Variants in L3MBTL3 observed in about 807,000 individuals in gnomAD.
L3MBTL3 encodes the protein L3MBTL histone methyl-lysine binding protein 3.
Under a neutral mutation model 102.3 loss-of-function variants are expected in L3MBTL3, and 27 were observed. The observed-to-expected ratio is 0.26, with a 90% CI of 0.19 to 0.36. L3MBTL3 has a LOEUF of 0.36. L3MBTL3 is among the 10% of genes least tolerant of loss of function. L3MBTL3 has a pLI of 1.00. For missense variants in L3MBTL3, 798 were observed against 955.3 expected (o/e 0.84, Z 2.17); for synonymous variants, 340 against 320.9 (o/e 1.06, Z -0.64).
At chr6:130,083,258 CTTAA>C (rs1236498079) in intron 14 of L3MBTL3, among the ~76,000 whole-genome samples, 7 of 152,086 alleles carry the variant, frequency 4.6e-5, no homozygotes, top group African/African-American at 9.7e-5. Flanking sequence ...ATTTAACTTA[CTTAA>C]TTTTCACATT....
chr6:130,098,743 T>C (rs981327812), intron 18 of L3MBTL3, among the ~76,000 whole-genome samples: 4 of 152,186 alleles, frequency 2.6e-5, no homozygotes, highest in African/African-American at 9.6e-5. Context: ...GCACCTGAGA[T>C]TGTACATTGG....
At chr6:130,132,210 A>T (rs1357803398) in intron 20 of L3MBTL3, among the ~76,000 whole-genome samples, 1 of 152,210 alleles carries the variant, frequency 6.6e-6, no homozygotes, top group Non-Finnish European at 1.5e-5. Flanking sequence ...TACTCACAAC[A>T]ATGTGGATGA....
intron 1 of L3MBTL3, among the ~76,000 whole-genome samples, chr6:130,021,130 A>G (rs980431021): frequency 1.1e-4 from 17 of 152,170 alleles, no homozygotes; most frequent in South Asian, 4.1e-4. Flanking sequence ...GCAAGTTTTT[A>G]GAAAAACACT....
At chr6:130,038,954 C>T (rs1364238347) in intron 2 of L3MBTL3, among the ~76,000 whole-genome samples, 1 of 151,902 alleles carries the variant, frequency 6.6e-6, no homozygotes, top group Admixed American at 6.6e-5. Flanking sequence ...AATATTGAAG[C>T]GTCTAGTAAA....
chr6:130,019,944 G>C (rs1778845265), intron 1 of L3MBTL3, among the ~76,000 whole-genome samples: 1 of 138,732 alleles, frequency 7.2e-6, no homozygotes, highest in African/African-American at 2.6e-5. Context: ...GCGCCGGCCC[G>C]GGTGCGGGCG....
intron 2 of L3MBTL3, among the ~76,000 whole-genome samples, chr6:130,037,665 G>A (rs1780144268): frequency 6.6e-6 from 1 of 152,098 alleles, no homozygotes; most frequent in African/African-American, 2.4e-5. Flanking sequence ...CATAATAATT[G>A]TACACATTAA....
chr6:130,123,600 T>A (rs1168634389), intron 20 of L3MBTL3, among the ~76,000 whole-genome samples: 2 of 152,360 alleles, frequency 1.3e-5, no homozygotes, highest in Admixed American at 6.5e-5. Context: ...TGAATAAGAT[T>A]GTAACATAAA....
chr6:130,058,512 G>A (rs1026651814), intron 9 of L3MBTL3, among the ~76,000 whole-genome samples: 10 of 152,026 alleles, frequency 6.6e-5, no homozygotes, highest in African/African-American at 2.4e-4. Context: ...GGAGTGTGGT[G>A]TTCAAAGTTG....
intron 5 of L3MBTL3, 31 bp downstream of exon 5, chr6:130,049,861 A>G: frequency 1.9e-6 from 3 of 1,586,960 alleles, no homozygotes; most frequent in South Asian, 1.1e-5. Flanking sequence ...CTGAAATGCA[A>G]TTCATTTTCT....
chr6:130,120,795 G>T (rs950860887), intron 19 of L3MBTL3, 84 bp from the exon 20 acceptor site: 1 of 998,288 alleles, frequency 1.0e-6, no homozygotes, highest in African/African-American at 1.6e-5. Context: ...TTAAAATTAG[G>T]AAAAGCACTT....
At chr6:130,089,278 C>T (rs1783887649) in intron 16 of L3MBTL3, among the ~76,000 whole-genome samples, 1 of 145,524 alleles carries the variant, frequency 6.9e-6, no homozygotes, top group Non-Finnish European at 1.5e-5. Context: ...CAAGTTTTCT[C>T]ATTGTTCAGT....
chr6:130,027,824 G>T (rs776656661), intron 2 of L3MBTL3, among the ~76,000 whole-genome samples: 1 of 152,126 alleles, frequency 6.6e-6, no homozygotes, highest in Non-Finnish European at 1.5e-5. Flanking sequence ...CATATGCATA[G>T]AAATATCTGT....
At chr6:130,045,952 C>A (rs1488244049) in intron 3 of L3MBTL3, among the ~76,000 whole-genome samples, 2 of 152,172 alleles carry the variant, frequency 1.3e-5, no homozygotes, top group Non-Finnish European at 2.9e-5. Flanking sequence ...GGAAACTTCA[C>A]CAATGCCTAG....
chr6:130,049,872 A>G (rs768362828), intron 5 of L3MBTL3, 42 bp downstream of exon 5: 4 of 1,574,054 alleles, frequency 2.5e-6, no homozygotes, highest in Non-Finnish European at 2.6e-6. Flanking sequence ...TTCATTTTCT[A>G]TTTCTTTCTC....
chr6:130,024,897 A>T (rs1779244335), intron 2 of L3MBTL3, among the ~76,000 whole-genome samples: 1 of 152,092 alleles, frequency 6.6e-6, no homozygotes, highest in Non-Finnish European at 1.5e-5. Context: ...GAGCTGTTGA[A>T]CCAGGAAACA....
chr6:130,114,997 C>T (rs1785572309), intron 19 of L3MBTL3, among the ~76,000 whole-genome samples: 1 of 151,686 alleles, frequency 6.6e-6, no homozygotes, highest in Non-Finnish European at 1.5e-5. Flanking sequence ...GATTCTCATT[C>T]CCTTATGTTT....
chr6:130,054,059 C>T (rs1443755808), intron 7 of L3MBTL3, among the ~76,000 whole-genome samples: 2 of 152,090 alleles, frequency 1.3e-5, no homozygotes, highest in African/African-American at 4.8e-5. Context: ...GTCAGGGAGC[C>T]CTCTCAAAGA....
In L3MBTL3 at chr6:130,133,926, C is replaced by T; in HGVS notation, c.2199+21C>T. On this transcript the variant is annotated intron_variant, in intron 22 of 22. Coordinates refer to ENST00000361794, the MANE Select transcript of L3MBTL3 (RefSeq NM_032438.4). The surrounding 1 kb of genome is among the most constrained non-coding windows in gnomAD (Gnocchi z 4.9). ...ATGAAGTAAGTATTCCACTAAATTG[C>T]AATATGTTACTTAATGGGATCAAAG... 10 of 1,560,476 alleles carry T rather than the reference C, an allele frequency of 6.4e-6. No homozygotes were observed. Among genetic ancestry groups the T allele is most frequent in the Non-Finnish European group, 8.8e-6 (10 of 1,131,920 alleles).
At chr6:130,070,316 A>G (rs1562284432) in intron 12 of L3MBTL3, among the ~76,000 whole-genome samples, 1 of 152,164 alleles carries the variant, frequency 6.6e-6, no homozygotes, top group Non-Finnish European at 1.5e-5. Context: ...TTTTTGTTCC[A>G]TGTTCTGAAT....
Sources: allele counts gnomAD v4.1 joint callset (sites outside exome capture counted in the v4.1 genomes callset), GRCh38; gene constraint gnomAD v4.1.1; non-coding constraint Gnocchi (gnomAD v3.1); transcripts MANE v1.5; gene names NCBI Gene and HGNC (gene_info 2026-07-23, HGNC 2026-07-21).